Variants in PPRC1 observed in about 807,000 individuals in gnomAD.
PPRC1 encodes peroxisome proliferator-activated receptor gamma coactivator-related protein 1.
A neutral mutation model predicts 132.5 loss-of-function variants in PPRC1; 23 were observed. That is an observed-to-expected ratio of 0.17 (90% CI 0.12 to 0.25). PPRC1 has a LOEUF of 0.25. Ranked by LOEUF, PPRC1 falls within the 10% of genes least tolerant of loss-of-function variation. The pLI is 1.00. For synonymous variants in PPRC1, 872 were observed against 833.5 expected (o/e 1.05, Z -0.80); for missense variants, 2,006 against 2,089.1 (o/e 0.96, Z 0.78).
In PPRC1 at chr10:102,139,117, A is replaced by G. The variant is rs1327701023; in HGVS notation, c.609A>G (p.Pro203=). The change falls in exon 5 of 14, where the codon CCA becomes CCG. Residue 203 remains proline, a synonymous_variant. Transcript: ENST00000278070. The part of the protein sequence containing the change: ...SRGSGVEMSL[P]DPSWDFSPPS... ...TCCTGCAGGTTGAAATGTCTCTTCC[A>G]GATCCCTCTTGGGACTTCTCCCCAC... The G allele has an allele frequency of 1.9e-6, 3 of 1,608,594 alleles. No individual in the cohort carries two copies. In the East Asian group the frequency reaches 6.7e-5, roughly 36 times the overall value.
chr10:102,133,106 C>T lies in PPRC1; in HGVS notation c.38C>T (p.Pro13Leu), dbSNP rs2068580608. ...CGGGGACGGAGAGACGGAGTCGCGC[C>T]GCCCCCGAGTGGGGGCCCCGGTCCG... ...ARRGRRDGVA[P>L]PPSGGPGPDP... The change falls in exon 1 of 14, where the codon CCG becomes CTG. Residue 13 changes from proline (P) to leucine (L), a missense_variant. By Grantham distance (98) the Pro-to-Leu change is moderately conservative. This residue lies in a region of PPRC1 where 1,914 missense variants were observed against 1,917.2 expected (regional missense o/e 1.00). Coordinates refer to ENST00000278070, the MANE Select transcript of PPRC1 (RefSeq NM_015062.5). The T allele has an allele frequency of 8.0e-7, 1 of 1,244,812 alleles. No individual in the cohort carries two copies. Among genetic ancestry groups the T allele is most frequent in the African/African-American group, 1.5e-5 (1 of 64,582 alleles). 77.1% of individuals were successfully genotyped at this position (1,244,812 alleles called of 1,614,324 possible). A position where few individuals can be genotyped will look rare whatever the true frequency, so the allele number is the denominator to read the frequency against.
At chr10:102,138,139 T>G (rs1202563954) in intron 2 of PPRC1, 101 bp downstream of exon 2, 2 of 1,241,530 alleles carry the variant, frequency 1.6e-6, no homozygotes, top group East Asian at 2.6e-5. Context: ...GACCTTAGCT[T>G]CTTCCTGGGT....
chr10:102,120,835 G>A, the PPRC1 span, among the ~76,000 whole-genome samples: 1 of 152,114 alleles, frequency 6.6e-6, no homozygotes, highest in Non-Finnish European at 1.5e-5. Flanking sequence ...GGGGTGGGCA[G>A]TGTGGTGTAT....
At chr10:102,122,239 A>G in the PPRC1 span, among the ~76,000 whole-genome samples, 1 of 152,146 alleles carries the variant, frequency 6.6e-6, no homozygotes, top group South Asian at 2.1e-4. Context: ...TAGAGAGAAC[A>G]TAAGGCAACA....
intron 1 of PPRC1, among the ~76,000 whole-genome samples, chr10:102,135,542 C>T (rs2068692757): frequency 6.6e-6 from 1 of 152,118 alleles, no homozygotes; most frequent in African/African-American, 2.4e-5. Flanking sequence ...CCACACATGG[C>T]TAATTTTTGT....
chr10:102,136,291 G>C (rs1199317683), intron 1 of PPRC1, among the ~76,000 whole-genome samples: 4 of 151,878 alleles, frequency 2.6e-5, no homozygotes, highest in Non-Finnish European at 5.9e-5. Flanking sequence ...ACTCAGCTCT[G>C]TTAGGAGGGT....
intron 6 of PPRC1, among the ~76,000 whole-genome samples, chr10:102,143,450 T>C (rs2069084900): frequency 6.6e-6 from 1 of 151,774 alleles, no homozygotes; most frequent in Non-Finnish European, 1.5e-5. Context: ...AATACAAAAA[T>C]TAGCTGGGCG....
At chr10:102,138,204 C>T (rs1168932434) in intron 2 of PPRC1, among the ~76,000 whole-genome samples, 166 bp downstream of exon 2, 2 of 152,244 alleles carry the variant, frequency 1.3e-5, no homozygotes, top group Non-Finnish European at 2.9e-5. Context: ...AATTAGGCTG[C>T]AGGCTGCCAG....
In PPRC1 at chr10:102,136,005, T is replaced by A. The variant is rs535222494; in HGVS notation, c.154-1845T>A. ...ACTGGACACCTGATGGAGGTGAAGA[T>A]GAGTGGTTCATAGAGAGCTGGGCAT... On this transcript the variant is annotated intron_variant, in intron 1 of 13. Coordinates refer to ENST00000278070, the MANE Select transcript of PPRC1 (RefSeq NM_015062.5). Among the ~76,000 whole-genome samples, 18 of 152,192 alleles carry A rather than the reference T, an allele frequency of 1.2e-4. No homozygotes were observed. The East Asian group carries it at 3.5e-3, about 29-fold the overall frequency.
the PPRC1 span, among the ~76,000 whole-genome samples, chr10:102,127,063 ATATATAAATT>A: frequency 8.5e-6 from 1 of 117,978 alleles, no homozygotes; most frequent in Non-Finnish European, 1.7e-5. Flanking sequence ...ATATATATAT[ATATATAAATT>A]AAAAAAAAAT....
rs1318123394 is a variant in PPRC1, at chr10:102,146,842, C to T, written c.3850C>T (p.His1284Tyr). 6.2e-7 allele frequency: 1 copy of T among 1,614,070 alleles called. No individual in the cohort carries two copies. Among genetic ancestry groups the T allele is most frequent in the African/African-American group, 1.3e-5 (1 of 75,008 alleles). Reference sequence around the variant, plus strand: ...TGCAGTTCGCCTCCAAGAAGGGGTCCATGGCCCTAGTCGAGTCCATGTGGG... The same window carrying T: ...TGCAGTTCGCCTCCAAGAAGGGGTCTATGGCCCTAGTCGAGTCCATGTGGG... ...PAAVRLQEGV[H>Y]GPSRVHVGSG... The change falls in exon 9 of 14, where the codon CAT (histidine) becomes TAT (tyrosine). Residue 1284 changes from histidine to tyrosine, a missense_variant. This residue lies in a region of PPRC1 where 1,914 missense variants were observed against 1,917.2 expected (regional missense o/e 1.00). Transcript: ENST00000278070.
Position 102,148,470 on chromosome 10 carries a change from G to C in PPRC1, c.4499G>C (p.Arg1500Pro), listed in dbSNP as rs753896515. Residue 1500 changes from arginine (R) to proline (P), a missense_variant, in exon 10 of 14, where the codon CGA (arginine) becomes CCA (proline). By Grantham distance (103) the Arg-to-Pro change is moderately radical (BLOSUM62 -2). This residue lies in a region of PPRC1 where 1,914 missense variants were observed against 1,917.2 expected (regional missense o/e 1.00). Coordinates refer to ENST00000278070, the MANE Select transcript of PPRC1 (RefSeq NM_015062.5). The surrounding 1 kb of genome is among the most constrained non-coding windows in gnomAD (Gnocchi z 4.2). ...SSSSSSSSSS[R>P]SRSRSPSPRR... ...TCCTCATCCTCATCATCCAGTTCTC[G>C]AAGCCGCTCACGATCCCCATCCCCC... 1.2e-6 allele frequency: 2 copies of C among 1,612,730 alleles called. No individual in the cohort carries two copies. Among genetic ancestry groups the C allele is most frequent in the Admixed American group, 3.3e-5 (2 of 59,990 alleles).
In PPRC1 at chr10:102,141,240, C is replaced by T; in HGVS notation, c.2732C>T (p.Pro911Leu). The stretch of plus-strand genomic sequence containing the variant: ...CCATTGTCTATGGGGCCAGTACTAC[C>T]TGATCCGTTTACTCACTATGCCCCC... ...SLPLSMGPVL[P>L]DPFTHYAPLP... Residue 911 changes from proline (P) to leucine (L), a missense_variant, in exon 5 of 14, where the codon CCT becomes CTT. Coordinates refer to ENST00000278070, the MANE Select transcript of PPRC1 (RefSeq NM_015062.5). 6.2e-7 allele frequency: 1 copy of T among 1,614,108 alleles called. No individual in the cohort carries two copies. Among genetic ancestry groups the T allele is most frequent in the South Asian group, 1.1e-5 (1 of 91,078 alleles).
At chr10:102,127,957 G>A in the PPRC1 span, among the ~76,000 whole-genome samples, 1 of 152,114 alleles carries the variant, frequency 6.6e-6, no homozygotes. Flanking sequence ...CTAAAGTATT[G>A]GGATTACAGG....
At position 102,148,783 on chromosome 10, in the gene PPRC1, T is replaced by C. The variant is rs2133730936; in HGVS notation, c.4618-34T>C. ...TGCCTGCAGCTGTAGCCCTGGCTAA[T>C]GGTGTGTTGATTTTTTTTCATTTCC... On this transcript the variant is annotated intron_variant, in intron 11 of 13. Coordinates refer to ENST00000278070, the MANE Select transcript of PPRC1 (RefSeq NM_015062.5). This position sits in a 1 kb window ranked among gnomAD's most constrained non-coding sequence, Gnocchi z 4.2. 2 of 1,614,114 alleles carry C rather than the reference T, an allele frequency of 1.2e-6. No individual in the cohort carries two copies. Among genetic ancestry groups the C allele is most frequent in the East Asian group, 4.5e-5 (2 of 44,882 alleles).
chr10:102,120,386 T>C, the PPRC1 span: 8 of 983,678 alleles, frequency 8.1e-6, no homozygotes, highest in Non-Finnish European at 9.6e-6. Context: ...TGTGCGTGTG[T>C]GCGCGTGTGC....
Position 102,147,408 on chromosome 10 carries a change from C to T in PPRC1, c.4400+16C>T, listed in dbSNP as rs779205292. Reference sequence around the variant, plus strand: ...GGTGGCGAAGGTGAGCTTTGATGGCCCTGTAGGTCCTCTCCATTTAGGAAG... The same window carrying T: ...GGTGGCGAAGGTGAGCTTTGATGGCTCTGTAGGTCCTCTCCATTTAGGAAG... On this transcript the variant is annotated intron_variant, in intron 9 of 13. Transcript: ENST00000278070. 5 of 1,584,378 alleles carry T rather than the reference C, an allele frequency of 3.2e-6. No homozygotes were observed. Among genetic ancestry groups the T allele is most frequent in the Admixed American group, 1.7e-5 (1 of 58,206 alleles).
chr10:102,125,559 C>G, the PPRC1 span, among the ~76,000 whole-genome samples: 7 of 151,698 alleles, frequency 4.6e-5, no homozygotes, highest in African/African-American at 1.7e-4. Flanking sequence ...TGCCCAGCCA[C>G]TTTTAGTATT....
rs2069006770 is a variant in PPRC1, at chr10:102,142,023, C to T, written c.3496+19C>T. ...GAGATTGGTGAGTGACACACAGTTC[C>T]CCCATGTAGTCCCCAAGTTGGCTGG... On this transcript the variant is annotated intron_variant, in intron 5 of 13. Coordinates refer to ENST00000278070, the MANE Select transcript of PPRC1 (RefSeq NM_015062.5). The T allele has an allele frequency of 2.5e-6, 4 of 1,579,668 alleles. No homozygotes were observed. The highest frequency in any genetic ancestry group is 3.4e-6 in the Non-Finnish European group (4 of 1,159,780).
Sources: allele counts gnomAD v4.1 joint callset (sites outside exome capture counted in the v4.1 genomes callset), GRCh38; gene constraint gnomAD v4.1.1; regional missense constraint gnomAD v4.1.1; non-coding constraint Gnocchi (gnomAD v3.1); transcripts MANE v1.5; gene names NCBI Gene and HGNC (gene_info 2026-07-23, HGNC 2026-07-21).